XIRP2: variants seen among roughly 807,000 people sequenced by gnomAD.
XIRP2 encodes the protein xin actin binding repeat containing 2, also known as xin actin-binding repeat-containing protein 2.
In XIRP2, 236 loss-of-function variants were observed where a neutral mutation model predicts 277.0. That is an observed-to-expected ratio of 0.85 (90% CI 0.77 to 0.95). XIRP2 has a LOEUF of 0.95. Among genes scored for constraint, XIRP2 ranks in the 40% least tolerant of loss-of-function variants. The pLI is 0.00. For synonymous variants in XIRP2, 1,490 were observed against 1,416.5 expected (o/e 1.05, Z -1.17); for missense variants, 4,640 against 4,157.5 (o/e 1.12, Z -3.19).
intron 3 of XIRP2, among the ~76,000 whole-genome samples, chr2:167,200,473 A>C (rs1312768945): frequency 1.3e-5 from 2 of 152,220 alleles, no homozygotes; most frequent in Admixed American, 6.5e-5. Flanking sequence ...CTGTCTCTAC[A>C]GTGTAACGTG....
chr2:167,014,430 C>T (rs959989314), intron 2 of XIRP2, among the ~76,000 whole-genome samples: 23 of 151,172 alleles, frequency 1.5e-4, no homozygotes, highest in Admixed American at 6.0e-4. Context: ...GAATACAATT[C>T]GATATAAAGG....
At chr2:167,210,610 A>G in intron 3 of XIRP2, 125 bp from the exon 4 acceptor site, 1 of 1,277,802 alleles carries the variant, frequency 7.8e-7, no homozygotes. Flanking sequence ...CATTGAAAAT[A>G]TTGTGAAATG....
At chr2:166,938,930 T>C (rs1447318602) in intron 2 of XIRP2, among the ~76,000 whole-genome samples, 1 of 152,166 alleles carries the variant, frequency 6.6e-6, no homozygotes, top group Non-Finnish European at 1.5e-5. Context: ...CCTTTTTATG[T>C]TTTCCATTTG....
At chr2:166,995,303 A>G (rs906312015) in intron 2 of XIRP2, among the ~76,000 whole-genome samples, 1 of 152,174 alleles carries the variant, frequency 6.6e-6, no homozygotes, top group African/African-American at 2.4e-5. Context: ...GCTGAGCCCT[A>G]CTGAATTTCA....
chr2:167,137,069 C>A (rs1691574525), intron 3 of XIRP2, among the ~76,000 whole-genome samples: 2 of 152,152 alleles, frequency 1.3e-5, no homozygotes, highest in South Asian at 4.1e-4. Context: ...GATTCATGTG[C>A]ACATTAAAGT....
At chr2:167,192,983 G>A (rs1693391478) in intron 3 of XIRP2, among the ~76,000 whole-genome samples, 1 of 152,144 alleles carries the variant, frequency 6.6e-6, no homozygotes, top group South Asian at 2.1e-4. Context: ...GAATGGAACT[G>A]TACTAGTGCA....
chr2:167,130,843 A>G (rs923798016), intron 2 of XIRP2, among the ~76,000 whole-genome samples: 14 of 151,652 alleles, frequency 9.2e-5, no homozygotes, highest in Non-Finnish European at 1.5e-4. Context: ...TCAGCTATAT[A>G]CTTTCTCATT....
chr2:167,225,968 T>C (rs1694586422), intron 5 of XIRP2, among the ~76,000 whole-genome samples: 1 of 152,146 alleles, frequency 6.6e-6, no homozygotes, highest in Non-Finnish European at 1.5e-5. Context: ...CAAAATAGCC[T>C]CAACCATTTA....
At chr2:167,046,502 G>A (rs1688790518) in intron 2 of XIRP2, among the ~76,000 whole-genome samples, 1 of 151,944 alleles carries the variant, frequency 6.6e-6, no homozygotes, top group Non-Finnish European at 1.5e-5. Context: ...ATTCACAATA[G>A]CAAAGACATG....
intron 2 of XIRP2, among the ~76,000 whole-genome samples, chr2:167,132,482 G>T (rs1358625844): frequency 6.6e-6 from 1 of 150,730 alleles, no homozygotes; most frequent in East Asian, 2.0e-4. Context: ...TCACATGGCA[G>T]ACCTGATTAT....
At position 167,244,417 on chromosome 2, in the gene XIRP2, A is replaced by G. The variant is rs562727862; in HGVS notation, c.3025A>G (p.Ile1009Val). The change falls in exon 9 of 11, where the codon ATC (isoleucine) becomes GTC (valine). Residue 1009 changes from isoleucine (I) to valine (V), a missense_variant. Physicochemically the swap from Ile to Val is conservative, Grantham distance 29 (BLOSUM62 3). Coordinates refer to ENST00000409195, the MANE Select transcript of XIRP2 (RefSeq NM_152381.6). ...AGTAAAGACAGTCCAGCAAGAAGAA[A>G]TCGTAAGAGGTGATGTAAGAAGCTG... ...HQVKTVQQEE[I>V]VRGDVRSCRW... 8.7e-6 allele frequency: 14 copies of G among 1,613,804 alleles called. No homozygotes were observed. In the East Asian group the frequency reaches 2.7e-4, roughly 31 times the overall value.
intron 2 of XIRP2, among the ~76,000 whole-genome samples, chr2:166,916,772 C>T (rs1684895637): frequency 6.6e-6 from 1 of 152,054 alleles, no homozygotes; most frequent in Admixed American, 6.6e-5. Context: ...CATTTGATGA[C>T]AAAAGTTCAG....
intron 2 of XIRP2, among the ~76,000 whole-genome samples, chr2:167,023,284 C>T (rs1688041926): frequency 6.6e-6 from 1 of 151,976 alleles, no homozygotes; most frequent in South Asian, 2.1e-4. Context: ...TGTCCTTCAC[C>T]CACTTTTTGA....
chr2:167,045,304 A>G (rs1329339971), intron 2 of XIRP2, among the ~76,000 whole-genome samples: 1 of 152,124 alleles, frequency 6.6e-6, no homozygotes, highest in Non-Finnish European at 1.5e-5. Flanking sequence ...AAAATCTTAG[A>G]AGAAACCCTA....
intron 3 of XIRP2, among the ~76,000 whole-genome samples, chr2:167,167,427 G>GC (rs775327706): frequency 2.6e-5 from 4 of 151,764 alleles, no homozygotes; most frequent in Non-Finnish European, 5.9e-5. Flanking sequence ...TTCTTTTTAT[G>GC]CTTTTTGTGA....
intron 5 of XIRP2, among the ~76,000 whole-genome samples, chr2:167,223,219 T>C (rs1003491492): frequency 2.0e-5 from 3 of 152,148 alleles, no homozygotes; most frequent in African/African-American, 7.2e-5. Context: ...GCTTTTTTTT[T>C]CCTAAGTAGC....
intron 3 of XIRP2, among the ~76,000 whole-genome samples, chr2:167,192,718 G>T (rs887684107): frequency 1.3e-5 from 2 of 152,196 alleles, no homozygotes; most frequent in Middle Eastern, 6.8e-3. Flanking sequence ...ATTTTCCTGG[G>T]CACTGCATAG....
intron 5 of XIRP2, among the ~76,000 whole-genome samples, chr2:167,225,594 T>C (rs1694573322): frequency 6.6e-6 from 1 of 152,120 alleles, no homozygotes; most frequent in South Asian, 2.1e-4. Flanking sequence ...ACATAGACCT[T>C]TCTGCAGATA....
chr2:166,951,089 G>A (rs1044205850), intron 2 of XIRP2, among the ~76,000 whole-genome samples: 2 of 152,016 alleles, frequency 1.3e-5, no homozygotes, highest in African/African-American at 4.8e-5. Context: ...ACGGAGTGGA[G>A]AATGGAAGGT....
Sources: gnomAD v4.1 joint callset for allele counts (sites outside exome capture counted in the v4.1 genomes callset) on GRCh38, gnomAD v4.1.1 for gene constraint, MANE v1.5 for transcripts, NCBI Gene and HGNC (gene_info 2026-07-23, HGNC 2026-07-21) for gene names.